Variants in DPY19L2 observed in about 807,000 individuals in gnomAD.
The protein encoded by DPY19L2 is dpy-19 like 2.
In DPY19L2, 34 loss-of-function variants were observed where a neutral mutation model predicts 97.9. The ratio of observed to expected loss-of-function variants is 0.35; its 90% confidence interval spans 0.26 to 0.46. The LOEUF is 0.46. Among genes scored for constraint, DPY19L2 ranks in the 20% least tolerant of loss-of-function variants. The pLI is 1.00. For synonymous variants in DPY19L2, 230 were observed against 307.9 expected (o/e 0.75, Z 2.65); for missense variants, 623 against 911.4 (o/e 0.68, Z 4.07).
At chr12:63,562,883 T>G (rs1432071149) in intron 21 of DPY19L2, among the ~76,000 whole-genome samples, 1 of 151,396 alleles carries the variant, frequency 6.6e-6, no homozygotes, top group Non-Finnish European at 1.5e-5. Flanking sequence ...GCAACCTCCG[T>G]CTCCTAGGTT....
intron 11 of DPY19L2, among the ~76,000 whole-genome samples, chr12:63,611,100 G>C (rs999086222): frequency 2.0e-5 from 3 of 151,792 alleles, no homozygotes; most frequent in African/African-American, 7.3e-5. Context: ...AACAAGTCTT[G>C]GCAAAAATGT....
intron 8 of DPY19L2, 199 bp downstream of exon 8, chr12:63,623,841 A>G (rs1312822388): frequency 2.2e-5 from 9 of 410,566 alleles, no homozygotes; most frequent in Non-Finnish European, 4.2e-5. Flanking sequence ...AGTAGCTGGG[A>G]TGACAGATGC....
At chr12:63,588,917 C>G (rs539179486) in intron 16 of DPY19L2, among the ~76,000 whole-genome samples, 3 of 151,874 alleles carry the variant, frequency 2.0e-5, no homozygotes, top group Admixed American at 6.6e-5. Context: ...CGATGCCCAG[C>G]TAATTTTTTG....
chr12:63,667,412 A>G (rs1396590479), intron 1 of DPY19L2, among the ~76,000 whole-genome samples: 1 of 152,102 alleles, frequency 6.6e-6, no homozygotes, highest in African/African-American at 2.4e-5. Context: ...CATCTGAAAA[A>G]AAATGATATG....
chr12:63,596,320 A>C (rs1444225704), intron 14 of DPY19L2, among the ~76,000 whole-genome samples: 2 of 152,088 alleles, frequency 1.3e-5, no homozygotes, highest in Non-Finnish European at 2.9e-5. Context: ...TTTTATTTAC[A>C]TAATACTAAG....
At chr12:63,589,879 A>G (rs1882582173) in intron 16 of DPY19L2, among the ~76,000 whole-genome samples, 1 of 152,186 alleles carries the variant, frequency 6.6e-6, no homozygotes, top group South Asian at 2.1e-4. Flanking sequence ...CTGCAATCCC[A>G]GCACTTTGGC....
intron 6 of DPY19L2, among the ~76,000 whole-genome samples, chr12:63,633,827 T>C (rs1212693955): frequency 1.3e-4 from 20 of 152,234 alleles, no homozygotes; most frequent in African/African-American, 4.6e-4. Context: ...TGTCCAACAA[T>C]GATAGACTGG....
At chr12:63,619,529 T>G (rs1279743378) in intron 9 of DPY19L2, among the ~76,000 whole-genome samples, 2 of 151,826 alleles carry the variant, frequency 1.3e-5, no homozygotes, top group African/African-American at 2.4e-5. Context: ...TTTTTTTTTT[T>G]GAAACTGAGT....
In DPY19L2 at chr12:63,600,320, C is replaced by G. The variant is rs548305097; in HGVS notation, c.1345G>C (p.Gly449Arg). Residue 449 changes from glycine to arginine, a missense_variant, in exon 13 of 22, where the codon GGC (glycine) becomes CGC (arginine). Gly to Arg is a moderately radical substitution (Grantham distance 125, BLOSUM62 -2). Transcript: ENST00000324472. ...ILKFLTSKIL[G>R]VSDHIRLSDL... ...AAAGTACTTACGTGGTCTGAAACGC[C>G]TAAGATTTTAGATGTCAGAAATTTC... is the stretch of plus-strand genomic sequence containing the variant. 5.6e-6 allele frequency: 9 copies of G among 1,608,020 alleles called. No homozygotes were observed. The East Asian group carries it at 1.6e-4, about 28-fold the overall frequency.
chr12:63,577,582 C>CTCTGTAGGAAAAAA (rs1459014892), intron 19 of DPY19L2, among the ~76,000 whole-genome samples: 1 of 149,742 alleles, frequency 6.7e-6, no homozygotes, highest in African/African-American at 2.5e-5. Flanking sequence ...GCTCAAACAA[C>CTCTGTAGGAAAAAA]AAATCTAAAA....
intron 16 of DPY19L2, 22 bp downstream of exon 16, chr12:63,594,065 A>G (rs1167548323): frequency 5.5e-6 from 8 of 1,459,436 alleles, no homozygotes; most frequent in Non-Finnish European, 7.5e-6. Context: ...GTATGTTTTA[A>G]AAACAATGAT....
chr12:63,661,991 T>C (rs1293676711), intron 3 of DPY19L2, among the ~76,000 whole-genome samples: 1 of 152,200 alleles, frequency 6.6e-6, no homozygotes, highest in Non-Finnish European at 1.5e-5. Flanking sequence ...TAGCTCCATC[T>C]AATCCTCTGT....
At chr12:63,652,343 A>G (rs1445264393) in intron 4 of DPY19L2, among the ~76,000 whole-genome samples, 2 of 152,250 alleles carry the variant, frequency 1.3e-5, no homozygotes, top group Admixed American at 1.3e-4. Context: ...ACTAGTTCAA[A>G]CACTGTGGAA....
At chr12:63,620,018 T>G (rs1360369927) in intron 9 of DPY19L2, 2 of 454,984 alleles carry the variant, frequency 4.4e-6, no homozygotes, top group African/African-American at 4.0e-5. Flanking sequence ...GCTGGGGTTA[T>G]AATTTCATTC....
rs1886961370 is a variant in DPY19L2 at position 63,611,214 on chromosome 12, A to C, written c.1219-2539T>G. 2.0e-5 allele frequency among the ~76,000 whole-genome samples: 3 copies of C among 152,100 alleles called. No individual in the cohort carries two copies. The South Asian group carries it at 6.2e-4, about 31-fold the overall frequency. On this transcript the variant is annotated intron_variant, in intron 11 of 21. Coordinates refer to ENST00000324472, the MANE Select transcript of DPY19L2 (RefSeq NM_173812.5). Reference sequence around the variant, plus strand: ...AGAAGAGTTTGCTTCAGAGAGCAGCAATATTAGCCATAAACTAACCAGTAC... The same window carrying C: ...AGAAGAGTTTGCTTCAGAGAGCAGCCATATTAGCCATAAACTAACCAGTAC...
intron 14 of DPY19L2, among the ~76,000 whole-genome samples, chr12:63,597,587 G>C (rs923650892): frequency 5.3e-5 from 8 of 151,220 alleles, no homozygotes; most frequent in Non-Finnish European, 4.4e-5. Flanking sequence ...ACTCTTCTCA[G>C]ATTATCTCAT....
At chr12:63,636,105 G>GT (rs1555207371) in intron 6 of DPY19L2, among the ~76,000 whole-genome samples, 494 of 17,670 alleles carry the variant, frequency 0.028, 2 homozygotes, top group Non-Finnish European at 0.038. Flanking sequence ...CAAGCCAGAA[G>GT]GGGGGGCGGC....
In DPY19L2 at chr12:63,624,031, C is replaced by T. The variant is rs779810415; in HGVS notation, c.953+9G>A. On this transcript the variant is annotated intron_variant, in intron 8 of 21. Coordinates refer to ENST00000324472, the MANE Select transcript of DPY19L2 (RefSeq NM_173812.5). ...ATTTATTTGCCTTCGTTTTATAAAT[C>T]GAAGTTACCTGAGAATCAAAGTTAA... 10 of 1,593,058 alleles carry T rather than the reference C, an allele frequency of 6.3e-6. No individual in the cohort carries two copies. The African/African-American group carries it at 8.1e-5, about 13-fold the overall frequency.
At chr12:63,644,004 G>A (rs866043642) in intron 6 of DPY19L2, among the ~76,000 whole-genome samples, 5 of 152,148 alleles carry the variant, frequency 3.3e-5, no homozygotes, top group Admixed American at 6.5e-5. Context: ...GCTAGCAGAT[G>A]TAAGTGCCTG....
Sources: allele counts gnomAD v4.1 joint callset (sites outside exome capture counted in the v4.1 genomes callset), GRCh38; gene constraint gnomAD v4.1.1; transcripts MANE v1.5; gene names NCBI Gene and HGNC (gene_info 2026-07-23, HGNC 2026-07-21).